SPATA13: variants seen among roughly 807,000 people sequenced by gnomAD.
SPATA13 encodes spermatogenesis associated 13, also known as spermatogenesis-associated protein 13.
SPATA13 carries 50 observed loss-of-function variants against 104.0 expected under a neutral mutation model. That is an observed-to-expected ratio of 0.48 (90% CI 0.38 to 0.61). SPATA13 has a LOEUF of 0.61. SPATA13 is among the 20% of genes least tolerant of loss of function. The pLI is 0.00. For synonymous variants in SPATA13, 606 were observed against 667.5 expected (o/e 0.91, Z 1.42); for missense variants, 1,524 against 1,690.6 (o/e 0.90, Z 1.73).
rs1209772832 is a variant in SPATA13 at position 24,051,711 on chromosome 13, C to A, written c.-112+34010C>A. Among the ~76,000 whole-genome samples, 2 of 151,922 alleles carry A rather than the reference C, an allele frequency of 1.3e-5. No homozygotes were observed. Among genetic ancestry groups the A allele is most frequent in the African/African-American group, 4.8e-5 (2 of 41,280 alleles). ...ACAGAGGAGATGATATGAGGCGAAT[C>A]TTCAGAGGTGGGAGCTTTAGGGGGG... On this transcript the variant is annotated intron_variant, in intron 3 of 14. Transcript: ENST00000424834. This position sits in a 1 kb window ranked among gnomAD's most constrained non-coding sequence, Gnocchi z 4.2.
At chr13:23,989,580 A>G (rs532868459) in intron 2 of SPATA13, among the ~76,000 whole-genome samples, 2 of 152,250 alleles carry the variant, frequency 1.3e-5, no homozygotes, top group East Asian at 1.9e-4. Flanking sequence ...CTCAAACTCA[A>G]CATGCCCCAC....
At chr13:24,068,482 G>T (rs527537680) in intron 3 of SPATA13, among the ~76,000 whole-genome samples, 1 of 152,204 alleles carries the variant, frequency 6.6e-6, no homozygotes, top group Admixed American at 6.5e-5. Flanking sequence ...ATATTCCTTT[G>T]GGTATGTGCC....
chr13:24,274,167 A>C (rs1874812992), intron 4 of SPATA13, among the ~76,000 whole-genome samples: 1 of 152,230 alleles, frequency 6.6e-6, no homozygotes, highest in African/African-American at 2.4e-5. Context: ...ATGCAATCAG[A>C]ATCCATTGCC....
intron 3 of SPATA13, among the ~76,000 whole-genome samples, chr13:24,154,490 A>G (rs4399412): frequency 0.63 from 95,502 of 151,928 alleles, 32,067 homozygotes; most frequent in East Asian, 0.87. Context: ...GGCAATAAAC[A>G]TTAATGTTTA....
rs1280564999 is a variant in SPATA13, at chr13:24,239,693, T to TTA, written c.1654-9784_1654-9783insTA. 3.6e-4 allele frequency among the ~76,000 whole-genome samples: 17 copies of TTA among 46,940 alleles called. 1 individual carries two copies. Among genetic ancestry groups the TTA allele is most frequent in the African/African-American group, 1.1e-3 (15 of 13,494 alleles). The allele number at this position is 46,940 out of a possible 152,430, so 30.8% of individuals were successfully genotyped here. On this transcript the variant is annotated intron_variant, in intron 2 of 12. Transcript: ENST00000382108. Reference sequence around the variant, plus strand: ...CTGGGTGTCGGATAGAGACCATATCTAAAAAAAAAAAAAAAAAAAAAAAAA... The same window carrying TTA: ...CTGGGTGTCGGATAGAGACCATATCTTAAAAAAAAAAAAAAAAAAAAAAAAAA...
Position 24,244,780 on chromosome 13 carries a change from C to T in SPATA13, c.1654-4697C>T, listed in dbSNP as rs147850792. 6.1e-3 allele frequency among the ~76,000 whole-genome samples: 929 copies of T among 152,268 alleles called. 4 individuals are homozygous for T. Among genetic ancestry groups the T allele is most frequent in the African/African-American group, 0.02 (811 of 41,530 alleles). On this transcript the variant is annotated intron_variant, in intron 2 of 12. Coordinates refer to ENST00000382108, the MANE Select transcript of SPATA13 (RefSeq NM_001166271.3). ...TGGGAAGCTGACACGGGAGGATCACCTGAGCCCAGGAGGTGGAGGCTGCAG... is the reference window on the plus strand; with the variant it reads ...TGGGAAGCTGACACGGGAGGATCACTTGAGCCCAGGAGGTGGAGGCTGCAG...
chr13:24,021,459 C>A (rs1315039811), intron 3 of SPATA13, among the ~76,000 whole-genome samples: 2 of 152,204 alleles, frequency 1.3e-5, no homozygotes, highest in Non-Finnish European at 2.9e-5. Context: ...TACCACTCTA[C>A]TCCAGTCTGG....
chr13:24,032,072 A>T (rs1195205652), intron 3 of SPATA13, among the ~76,000 whole-genome samples: 1 of 152,200 alleles, frequency 6.6e-6, no homozygotes, highest in African/African-American at 2.4e-5. Context: ...AAGTCAGTTT[A>T]GTAAGAACAC....
chr13:24,180,019 C>A (rs1404044304), intron 1 of SPATA13, among the ~76,000 whole-genome samples: 1 of 152,062 alleles, frequency 6.6e-6, no homozygotes, highest in African/African-American at 2.4e-5. Context: ...TTGATGAAAT[C>A]ATTTAGCTAT....
intron 2 of SPATA13, among the ~76,000 whole-genome samples, chr13:23,984,330 CCTT>C (rs1875048284): frequency 1.3e-5 from 2 of 152,202 alleles, no homozygotes; most frequent in African/African-American, 2.4e-5. Context: ...GTGTTTGTCT[CCTT>C]AACTTCCTTC....
At chr13:24,058,017 A>G (rs1392252310) in intron 3 of SPATA13, among the ~76,000 whole-genome samples, 1 of 151,868 alleles carries the variant, frequency 6.6e-6, no homozygotes, top group Non-Finnish European at 1.5e-5. Flanking sequence ...CAAGCCTGGC[A>G]GTGTCATTCC....
At chr13:24,225,889 G>A (rs1298336000) in intron 2 of SPATA13, among the ~76,000 whole-genome samples, 2 of 152,138 alleles carry the variant, frequency 1.3e-5, no homozygotes, top group Non-Finnish European at 2.9e-5. Context: ...AGCTCCTTTC[G>A]CTCCCACCAT....
At chr13:23,988,341 C>A (rs1292695727) in intron 2 of SPATA13, among the ~76,000 whole-genome samples, 1 of 152,146 alleles carries the variant, frequency 6.6e-6, no homozygotes, top group African/African-American at 2.4e-5. Context: ...TTTGGGTGGT[C>A]TTCACTGTTT....
Position 24,222,839 on chromosome 13 carries a change from C to T in SPATA13, c.-91C>T, listed in dbSNP as rs766761842. 5.9e-6 allele frequency: 9 copies of T among 1,523,956 alleles called. No individual in the cohort carries two copies. The highest frequency in any genetic ancestry group is 5.0e-5 in the East Asian group (2 of 40,400). The allele number at this position is 1,523,956 out of a possible 1,614,324, so 94.4% of individuals were successfully genotyped here. On this transcript the variant is annotated 5_prime_UTR_variant, in exon 2 of 13. Coordinates refer to ENST00000382108, the MANE Select transcript of SPATA13 (RefSeq NM_001166271.3). ...TGCAGCCCGTGGCCACCCAGGAGCC[C>T]GATGTGCAAGGCAGGTGTGAGTGCC...
intron 1 of SPATA13, among the ~76,000 whole-genome samples, chr13:24,195,603 A>G (rs1870013114): frequency 6.6e-6 from 1 of 152,330 alleles, no homozygotes; most frequent in Admixed American, 6.5e-5. Context: ...CATCTTTGCC[A>G]ACACTGCTAA....
At chr13:23,993,410 T>C (rs1875506414) in intron 2 of SPATA13, among the ~76,000 whole-genome samples, 1 of 152,246 alleles carries the variant, frequency 6.6e-6, no homozygotes, top group African/African-American at 2.4e-5. Context: ...CCTAGCAGTG[T>C]ACTACCCACA....
At chr13:24,207,375 A>G (rs940380157) in intron 1 of SPATA13, among the ~76,000 whole-genome samples, 2 of 152,206 alleles carry the variant, frequency 1.3e-5, no homozygotes, top group Admixed American at 1.3e-4. Context: ...CCCTGAACTT[A>G]AAATAAAAAT....
At chr13:24,007,575 G>T (rs1427192764) in intron 2 of SPATA13, among the ~76,000 whole-genome samples, 1 of 152,154 alleles carries the variant, frequency 6.6e-6, no homozygotes, top group Non-Finnish European at 1.5e-5. Flanking sequence ...TCATGCCTCA[G>T]CCTCCTGAAT....
At chr13:24,189,213 T>C (rs532546006) in intron 1 of SPATA13, among the ~76,000 whole-genome samples, 1 of 152,094 alleles carries the variant, frequency 6.6e-6, no homozygotes, top group Admixed American at 6.6e-5. Flanking sequence ...GGCTCATGCC[T>C]GTAATCCCAG....
Sources: gnomAD v4.1 joint callset for allele counts (sites outside exome capture counted in the v4.1 genomes callset) on GRCh38, gnomAD v4.1.1 for gene constraint, Gnocchi (gnomAD v3.1) non-coding constraint, MANE v1.5 for transcripts, NCBI Gene and HGNC (gene_info 2026-07-23, HGNC 2026-07-21) for gene names.